The following RAD23A variants were observed in gnomAD, a reference collection of about 807,000 sequenced individuals.
RAD23A encodes the protein lysine-specific demethylase RAD23A.
Under a neutral mutation model 44.8 loss-of-function variants are expected in RAD23A, and 16 were observed. The ratio of observed to expected loss-of-function variants is 0.36; its 90% CI spans 0.24 to 0.54. RAD23A has a LOEUF of 0.54. Among genes scored for constraint, RAD23A ranks in the 20% least tolerant of loss-of-function variants. The probability of loss-of-function intolerance (pLI) is 0.89; values close to 1 mark genes in which losing one functional copy is unlikely to be tolerated. For synonymous variants in RAD23A, 217 were observed against 202.9 expected, an observed-to-expected ratio of 1.07 and a Z score of -0.59; for missense variants, 380 against 483.3, an observed-to-expected ratio of 0.79 and a Z score of 2.00.
intron 1 of RAD23A, 46 bp downstream of exon 1, chr19:12,946,066 G>C: frequency 7.5e-7 from 1 of 1,338,242 alleles, no homozygotes; most frequent in Non-Finnish European, 1.0e-6. Flanking sequence ...CGGGTTTCGG[G>C]GGTGGGGTGG....
At chr19:12,951,891 C>G (rs905525166) in intron 7 of RAD23A, among the ~76,000 whole-genome samples, 1 of 152,140 alleles carries the variant, frequency 6.6e-6, no homozygotes, top group African/African-American at 2.4e-5. Flanking sequence ...TCTGCAGTTC[C>G]TTCCTAGCCA....
At chr19:12,947,804 A>G in intron 1 of RAD23A, 44 bp from the exon 2 acceptor site, 9 of 1,594,728 alleles carry the variant, frequency 5.6e-6, no homozygotes, top group Non-Finnish European at 7.7e-6. Flanking sequence ...AAGGGAAAAG[A>G]GAATCTTGGG....
At chr19:12,952,527 C>T (rs1351089240) in intron 7 of RAD23A, 162 bp from the exon 8 acceptor site, 13 of 804,666 alleles carry the variant, frequency 1.6e-5, no homozygotes, top group Non-Finnish European at 2.3e-5. Context: ...ATCATCAGCT[C>T]TTCCAGGGTA....
intron 7 of RAD23A, among the ~76,000 whole-genome samples, chr19:12,951,267 A>C (rs1408498786): frequency 1.3e-5 from 2 of 151,974 alleles, no homozygotes; most frequent in African/African-American, 4.8e-5. Context: ...GTGAGCCACC[A>C]CACCCGGCCA....
In RAD23A at chr19:12,949,152, G is replaced by A. The variant is rs376510748; in HGVS notation, c.672G>A (p.Thr224=). The A allele has an allele frequency of 8.1e-5, 130 of 1,613,966 alleles. 1 individual carries two copies. Among genetic ancestry groups the A allele is most frequent in the Non-Finnish European group, 9.8e-5 (116 of 1,179,968 alleles). The part of the protein sequence containing the change: ...QESQVSEQPA[T]EAAGENPLEF... ...GCCAGGTATCGGAGCAGCCGGCCAC[G>A]GAAGCAGGTGGGTGTGCACATGCCG... The change falls in exon 6 of 9, where the codon ACG becomes ACA. Residue 224 remains threonine (T), a synonymous_variant. Transcript: ENST00000586534.
rs990331123 is a variant in RAD23A, at chr19:12,947,895, C to T, written c.120C>T (p.Ala40=). The change falls in exon 2 of 9, where the codon GCC becomes GCT. Residue 40 remains alanine, a synonymous_variant. Transcript: ENST00000586534. ...TAGAAGCTGAGAAGGGTCGTGATGC[C>T]TTCCCCGTGGCTGGACAGAAACTCA... The part of the protein sequence containing the change: ...EKIEAEKGRD[A]FPVAGQKLIY... The T allele has an allele frequency of 3.7e-6, 6 of 1,613,920 alleles. No individual in the cohort carries two copies. Among genetic ancestry groups the T allele is most frequent in the Non-Finnish European group, 5.1e-6 (6 of 1,180,028 alleles).
At chr19:12,951,588 A>G (rs1971813263) in intron 7 of RAD23A, among the ~76,000 whole-genome samples, 1 of 152,120 alleles carries the variant, frequency 6.6e-6, no homozygotes, top group Non-Finnish European at 1.5e-5. Context: ...CTGGGATTAC[A>G]GGCATGTGCC....
intron 1 of RAD23A, 25 bp downstream of exon 1, chr19:12,946,045 G>T: frequency 6.3e-7 from 1 of 1,579,264 alleles, no homozygotes; most frequent in Non-Finnish European, 8.6e-7. Flanking sequence ...GGAGCCCGGG[G>T]GCGGGAGCGA....
At position 12,953,168 on chromosome 19, in the gene RAD23A, C is replaced by A; in HGVS notation, c.*119C>A. 1 of 736,966 alleles carries A rather than the reference C, an allele frequency of 1.4e-6. No homozygotes were observed. Among genetic ancestry groups the A allele is most frequent in the Non-Finnish European group, 2.1e-6 (1 of 481,570 alleles). The allele number at this position is 736,966 out of a possible 1,614,324, so 45.7% of individuals were successfully genotyped here. On this transcript the variant is annotated 3_prime_UTR_variant, in exon 9 of 9. Coordinates refer to ENST00000586534, the MANE Select transcript of RAD23A (RefSeq NM_005053.4). ...AGAAATGGAAAAAAAAATCAAAAATCTTAAAAAAACAAGCAAACAGTCCAG... is the reference window on the plus strand; with the variant it reads ...AGAAATGGAAAAAAAAATCAAAAATATTAAAAAAACAAGCAAACAGTCCAG...
At chr19:12,949,682 T>G in intron 7 of RAD23A, 1 of 510,684 alleles carries the variant, frequency 2.0e-6, no homozygotes, top group East Asian at 3.3e-5. Flanking sequence ...GTCACGCAGC[T>G]GGTAGTGTGT....
intron 7 of RAD23A, among the ~76,000 whole-genome samples, chr19:12,950,120 C>T (rs1971768853): frequency 1.3e-5 from 2 of 152,272 alleles, no homozygotes; most frequent in South Asian, 4.1e-4. Context: ...ATGCCACACT[C>T]CATGGCTGGC....
At chr19:12,949,711 G>A (rs1459894732) in intron 7 of RAD23A, 5 of 461,322 alleles carry the variant, frequency 1.1e-5, no homozygotes, top group East Asian at 7.5e-5. Flanking sequence ...CTCCTGCCTC[G>A]GGGTGGGGTC....
chr19:12,945,877 G>A lies in RAD23A; in HGVS notation c.-72G>A. On this transcript the variant is annotated 5_prime_UTR_variant, in exon 1 of 9. Coordinates refer to ENST00000586534, the MANE Select transcript of RAD23A (RefSeq NM_005053.4). ...GGCGCGCGGCGCGGCGCGCCTGGGC[G>A]CTAAGATGGCGGCGGCGTGAGTTGC... is the stretch of plus-strand genomic sequence containing the variant. 6.5e-7 allele frequency: 1 copy of A among 1,527,358 alleles called. No homozygotes were observed. The highest frequency in any genetic ancestry group is 9.0e-7 in the Non-Finnish European group (1 of 1,116,434). 94.6% of individuals were successfully genotyped at this position (1,527,358 alleles called of 1,614,324 possible). A position where few individuals can be genotyped will look rare whatever the true frequency, so the allele number is the denominator to read the frequency against.
chr19:12,951,903 A>G (rs573361576), intron 7 of RAD23A, among the ~76,000 whole-genome samples: 1 of 152,020 alleles, frequency 6.6e-6, no homozygotes, highest in African/African-American at 2.4e-5. Flanking sequence ...TCCTAGCCAG[A>G]CACTTGCAGT....
chr19:12,949,804 G>A lies in RAD23A; in HGVS notation c.813+396G>A, dbSNP rs182929875. Reference sequence around the variant, plus strand: ...GCATGACGTCACCCAGGACAGCTGTGCCCCAGTTGGCTCTGGGACAACTCT... The same window carrying A: ...GCATGACGTCACCCAGGACAGCTGTACCCCAGTTGGCTCTGGGACAACTCT... On this transcript the variant is annotated intron_variant, in intron 7 of 8. Coordinates refer to ENST00000586534, the MANE Select transcript of RAD23A (RefSeq NM_005053.4). Among the ~76,000 whole-genome samples the A allele has an allele frequency of 7.2e-4, 110 of 152,196 alleles. 1 individual carries two copies. Among genetic ancestry groups the A allele is most frequent in the African/African-American group, 2.6e-3 (108 of 41,522 alleles).
At position 12,945,924 on chromosome 19, in the gene RAD23A, G is replaced by T. The variant is rs777010929; in HGVS notation, c.-25G>T. Reference sequence around the variant, plus strand: ...TTGCATGTTGTGTGAGGATCCCGGGGCCGCCGCGTCGCTCGGGCCCCGCCA... The same window carrying T: ...TTGCATGTTGTGTGAGGATCCCGGGTCCGCCGCGTCGCTCGGGCCCCGCCA... On this transcript the variant is annotated 5_prime_UTR_variant, in exon 1 of 9. Transcript: ENST00000586534. 4 of 1,606,446 alleles carry T rather than the reference G, an allele frequency of 2.5e-6. No homozygotes were observed.
Position 12,948,900 on chromosome 19 carries a change from T to C in RAD23A, c.600+87T>C. ...GATGGGCGGTTGGGAAGGCAAAACC[T>C]GCCCTGAAAAGCCTTTGGGTAGTGA... On this transcript the variant is annotated intron_variant, in intron 5 of 8. Coordinates refer to ENST00000586534, the MANE Select transcript of RAD23A (RefSeq NM_005053.4). The surrounding 1 kb of genome is among the most constrained non-coding windows in gnomAD (Gnocchi z 5.5). 4 of 1,549,360 alleles carry C rather than the reference T, an allele frequency of 2.6e-6. No homozygotes were observed. Among genetic ancestry groups the C allele is most frequent in the Non-Finnish European group, 3.5e-6 (4 of 1,147,310 alleles).
chr19:12,948,163 T>TC lies in RAD23A; in HGVS notation c.235-13dup. ...GGGTTGCTGATGCCAGCTCCCTTTT[T>TC]CTTGCTGTTGCAGACCAAAGCCGGC... is the stretch of plus-strand genomic sequence containing the variant. On this transcript the variant is annotated splice_polypyrimidine_tract_variant and intron_variant, in intron 2 of 8. Coordinates refer to ENST00000586534, the MANE Select transcript of RAD23A (RefSeq NM_005053.4). This position sits in a 1 kb window ranked among gnomAD's most constrained non-coding sequence, Gnocchi z 5.5. 6.2e-7 allele frequency: 1 copy of TC among 1,613,946 alleles called. No individual in the cohort carries two copies. The highest frequency in any genetic ancestry group is 8.5e-7 in the Non-Finnish European group (1 of 1,179,944).
intron 7 of RAD23A, chr19:12,952,373 G>A: frequency 4.1e-6 from 1 of 245,280 alleles, no homozygotes. Context: ...TGTATTCTTA[G>A]TAGAGATGGG....
Sources: allele counts gnomAD v4.1 joint callset (sites outside exome capture counted in the v4.1 genomes callset), GRCh38; gene constraint gnomAD v4.1.1; non-coding constraint Gnocchi (gnomAD v3.1); transcripts MANE v1.5; gene names NCBI Gene and HGNC (gene_info 2026-07-23, HGNC 2026-07-21).